The following PDE3A variants were observed in gnomAD, a reference collection of about 807,000 sequenced individuals.
The protein encoded by PDE3A is cGMP-inhibited 3',5'-cyclic phosphodiesterase 3A.
PDE3A carries 43 observed loss-of-function variants against 98.3 expected under a neutral mutation model. That is an observed-to-expected ratio of 0.44 (90% confidence interval 0.34 to 0.56). The LOEUF is 0.56. PDE3A is among the 20% of genes least tolerant of loss of function. The pLI, the probability that PDE3A is intolerant of heterozygous loss-of-function variation, is 0.01. For missense variants in PDE3A, 1,427 were observed against 1,440.7 expected, an observed-to-expected ratio of 0.99 and a Z score of 0.15; for synonymous variants, 663 against 567.9, an observed-to-expected ratio of 1.17 and a Z score of -2.38.
rs1284911284 is a variant in PDE3A at position 20,575,639 on chromosome 12, G to A, written c.1011+18929G>A. ...CATATTACTCTCTAAGATTGTTTGG[G>A]ATCATCTACAGACTTTCATCCAAGT... On this transcript the variant is annotated intron_variant, in intron 2 of 15. Transcript: ENST00000359062. 3.3e-5 allele frequency among the ~76,000 whole-genome samples: 5 copies of A among 152,046 alleles called. No homozygotes were observed. The East Asian group carries it at 9.7e-4, about 29-fold the overall frequency.
chr12:20,446,715 T>C (rs1280221729), intron 1 of PDE3A, among the ~76,000 whole-genome samples: 1 of 152,176 alleles, frequency 6.6e-6, no homozygotes, highest in East Asian at 1.9e-4. Flanking sequence ...TAACAGCTAG[T>C]AATGTATTTG....
At chr12:20,497,408 A>G (rs1294062099) in intron 1 of PDE3A, among the ~76,000 whole-genome samples, 1 of 151,688 alleles carries the variant, frequency 6.6e-6, no homozygotes, top group Admixed American at 6.6e-5. Context: ...AACTGAATGG[A>G]GGGCTGTATT....
chr12:20,487,947 A>G (rs1945760185), intron 1 of PDE3A, among the ~76,000 whole-genome samples: 2 of 152,168 alleles, frequency 1.3e-5, no homozygotes, highest in Non-Finnish European at 2.9e-5. Context: ...TATTCTCATC[A>G]GTTGGAATTA....
chr12:20,369,282 A>G lies in PDE3A; in HGVS notation c.-3A>G, dbSNP rs1174641348. 3.3e-6 allele frequency: 5 copies of G among 1,511,038 alleles called. No individual in the cohort carries two copies. The African/African-American group carries it at 6.9e-5, about 21-fold the overall frequency. The allele number at this position is 1,511,038 out of a possible 1,614,324, so 93.6% of individuals were successfully genotyped here. On this transcript the variant is annotated 5_prime_UTR_variant, in exon 1 of 16. The change creates a new upstream start codon in the 5' untranslated region. Coordinates refer to ENST00000359062, the MANE Select transcript of PDE3A (RefSeq NM_000921.5). The stretch of plus-strand genomic sequence containing the variant: ...GAATTCAGTGAAGAGGGCACCCTAT[A>G]CCATGGCAGTGCCCGGCGACGCTGC...
At chr12:20,497,724 A>G (rs1485309086) in intron 1 of PDE3A, among the ~76,000 whole-genome samples, 1 of 152,188 alleles carries the variant, frequency 6.6e-6, no homozygotes, top group Non-Finnish European at 1.5e-5. Context: ...GGCAAATGCA[A>G]AATGCATCAA....
At chr12:20,438,060 G>C (rs1220336091) in intron 1 of PDE3A, among the ~76,000 whole-genome samples, 1 of 151,854 alleles carries the variant, frequency 6.6e-6, no homozygotes, top group Non-Finnish European at 1.5e-5. Context: ...CAAGGCTGTT[G>C]CTAATGTTAA....
chr12:20,434,156 A>G (rs1944742420), intron 1 of PDE3A, among the ~76,000 whole-genome samples: 1 of 148,098 alleles, frequency 6.8e-6, no homozygotes, highest in South Asian at 2.1e-4. Flanking sequence ...TCAAGGCTTT[A>G]CTATTGAAGG....
At chr12:20,651,756 T>C (rs1944923053) in intron 14 of PDE3A, among the ~76,000 whole-genome samples, 1 of 108,260 alleles carries the variant, frequency 9.2e-6, no homozygotes. Flanking sequence ...GATTCATATA[T>C]AGAATGAAAG....
intron 1 of PDE3A, among the ~76,000 whole-genome samples, chr12:20,507,075 C>G (rs915779523): frequency 1.3e-5 from 2 of 151,744 alleles, no homozygotes; most frequent in Non-Finnish European, 2.9e-5. Context: ...TTATTATGAT[C>G]CGGGGGGTAA....
chr12:20,433,473 T>C (rs1944730535), intron 1 of PDE3A, among the ~76,000 whole-genome samples: 1 of 152,144 alleles, frequency 6.6e-6, no homozygotes, highest in Admixed American at 6.6e-5. Context: ...TGGGTACTGC[T>C]TGGGGTCTCT....
intron 1 of PDE3A, among the ~76,000 whole-genome samples, chr12:20,495,333 A>G (rs899172809): frequency 1.3e-5 from 2 of 152,004 alleles, no homozygotes; most frequent in Non-Finnish European, 2.9e-5. Context: ...TCATTGTACC[A>G]GATTTTGGAT....
chr12:20,609,856 T>A (rs932079290), intron 2 of PDE3A, among the ~76,000 whole-genome samples: 1 of 152,068 alleles, frequency 6.6e-6, no homozygotes, highest in Admixed American at 6.6e-5. Context: ...TGCAAAAGAA[T>A]GAAATCGTAT....
At chr12:20,657,104 T>A (rs1358596473) in intron 15 of PDE3A, among the ~76,000 whole-genome samples, 1 of 152,236 alleles carries the variant, frequency 6.6e-6, no homozygotes, top group African/African-American at 2.4e-5. Context: ...AAATATTATC[T>A]TTAAAGTATT....
At chr12:20,522,486 G>A (rs531395585) in intron 1 of PDE3A, among the ~76,000 whole-genome samples, 115 of 152,180 alleles carry the variant, frequency 7.6e-4, no homozygotes, top group Non-Finnish European at 1.2e-3. Flanking sequence ...AAAAGGCTGA[G>A]TTTTACAAAG....
intron 1 of PDE3A, among the ~76,000 whole-genome samples, chr12:20,517,990 G>A (rs930137997): frequency 1.3e-5 from 2 of 152,148 alleles, no homozygotes; most frequent in African/African-American, 2.4e-5. Context: ...AACACTGACT[G>A]TGCTATGTTC....
Position 20,485,273 on chromosome 12 carries a change from A to G in PDE3A, c.961-71387A>G, listed in dbSNP as rs184459672. ...CTTGGCTTGTAATGGCATTCTTCCC[A>G]TGCCTCTTTTTATATGTCTGTCTCT... On this transcript the variant is annotated intron_variant, in intron 1 of 15. Coordinates refer to ENST00000359062, the MANE Select transcript of PDE3A (RefSeq NM_000921.5). 3.4e-3 allele frequency among the ~76,000 whole-genome samples: 522 copies of G among 152,184 alleles called. 4 individuals carry two copies. The highest frequency in any genetic ancestry group is 0.012 in the African/African-American group (498 of 41,526).
chr12:20,416,891 T>G (rs1438521721), intron 1 of PDE3A, among the ~76,000 whole-genome samples: 1 of 152,150 alleles, frequency 6.6e-6, no homozygotes, highest in African/African-American at 2.4e-5. Context: ...TTATTTAAAT[T>G]CACATGAAAT....
chr12:20,661,613 G>T (rs1945171982), intron 15 of PDE3A, among the ~76,000 whole-genome samples: 1 of 152,176 alleles, frequency 6.6e-6, no homozygotes, highest in African/African-American at 2.4e-5. Context: ...GTCACTGAAA[G>T]AGGCCAAGGT....
At chr12:20,611,186 G>GTAAAT (rs1477886540) in intron 2 of PDE3A, among the ~76,000 whole-genome samples, 2 of 150,720 alleles carry the variant, frequency 1.3e-5, no homozygotes, top group African/African-American at 4.9e-5. Flanking sequence ...TTTAAAATAA[G>GTAAAT]TAAATAAAAT....
Sources: allele counts gnomAD v4.1 joint callset (sites outside exome capture counted in the v4.1 genomes callset), GRCh38; gene constraint gnomAD v4.1.1; transcripts MANE v1.5; gene names NCBI Gene and HGNC (gene_info 2026-07-23, HGNC 2026-07-21).